Variants in TOX observed in about 807,000 individuals in gnomAD.
The protein encoded by TOX is thymocyte selection-associated high mobility group box protein TOX.
Under a neutral mutation model 53.7 loss-of-function variants are expected in TOX, and 11 were observed. The observed-to-expected ratio is 0.20, with a 90% CI of 0.13 to 0.34. TOX has a LOEUF of 0.34. Ranked by LOEUF, TOX falls within the 10% of genes least tolerant of loss-of-function variation. The pLI, the probability that TOX is intolerant of heterozygous loss-of-function variation, is 1.00. For synonymous variants in TOX, 225 were observed against 245.3 expected, an observed-to-expected ratio of 0.92 and a Z score of 0.77; for missense variants, 570 against 664.6, an observed-to-expected ratio of 0.86 and a Z score of 1.56.
At chr8:58,818,675 C>T (rs1801592982) in intron 6 of TOX, among the ~76,000 whole-genome samples, 1 of 152,180 alleles carries the variant, frequency 6.6e-6, no homozygotes, top group Admixed American at 6.5e-5. Context: ...GCCCTCTTGA[C>T]CAGACACACC....
intron 5 of TOX, among the ~76,000 whole-genome samples, chr8:58,832,135 A>G (rs903356981): frequency 6.8e-6 from 1 of 147,084 alleles, no homozygotes; most frequent in Admixed American, 6.9e-5. Context: ...TATGTAATAT[A>G]TATAATATAT....
intron 1 of TOX, among the ~76,000 whole-genome samples, chr8:58,976,373 C>T (rs896906243): frequency 1.7e-4 from 26 of 152,210 alleles, no homozygotes; most frequent in African/African-American, 6.0e-4. Flanking sequence ...CATAAGATTG[C>T]AGCAATTCAG....
chr8:58,977,775 A>C (rs569364891), intron 1 of TOX, among the ~76,000 whole-genome samples: 1 of 152,304 alleles, frequency 6.6e-6, no homozygotes, highest in African/African-American at 2.4e-5. Flanking sequence ...GTCAGAACAC[A>C]CACATTTATC....
intron 3 of TOX, among the ~76,000 whole-genome samples, chr8:58,900,223 T>G (rs981607068): frequency 6.6e-6 from 1 of 152,180 alleles, no homozygotes. Context: ...TAACTATTTT[T>G]TTCAACCACA....
chr8:58,888,965 T>A (rs1563380241), intron 3 of TOX, among the ~76,000 whole-genome samples: 1 of 151,882 alleles, frequency 6.6e-6, no homozygotes, highest in Non-Finnish European at 1.5e-5. Flanking sequence ...ATATAAAAAA[T>A]AATACCTAGA....
chr8:58,926,625 G>A (rs187810252), intron 3 of TOX, among the ~76,000 whole-genome samples: 187 of 152,326 alleles, frequency 1.2e-3, no homozygotes, highest in African/African-American at 4.3e-3. Flanking sequence ...TTCTTGGCAA[G>A]CTGCCTAGAA....
intron 2 of TOX, among the ~76,000 whole-genome samples, chr8:58,949,403 C>A (rs1464138015): frequency 1.3e-5 from 2 of 152,174 alleles, no homozygotes; most frequent in African/African-American, 2.4e-5. Context: ...CACACCATGA[C>A]AAATAACTTA....
Position 58,806,043 on chromosome 8 carries a change from T to C in TOX, c.*1704A>G, listed in dbSNP as rs905385378. The C allele has an allele frequency of 6.5e-6, 1 of 152,760 alleles. No homozygotes were observed. Among genetic ancestry groups the C allele is most frequent in the East Asian group, 1.9e-4 (1 of 5,192 alleles). 9.5% of individuals were successfully genotyped at this position (152,760 alleles called of 1,614,324 possible). On this transcript the variant is annotated 3_prime_UTR_variant, in exon 9 of 9. Transcript: ENST00000361421. ...TCCAACCAGACTAACTTTCTTGATA[T>C]GATCCCCTAAAAAGGAGTAAATCTG...
At chr8:58,998,529 ATATAT>A (rs1286181278) in intron 1 of TOX, among the ~76,000 whole-genome samples, 1 of 15,852 alleles carries the variant, frequency 6.3e-5, no homozygotes, top group Non-Finnish European at 1.4e-4. Flanking sequence ...ATATATATAT[ATATAT>A]ATATAAATTT....
chr8:59,041,989 C>T (rs12234964), intron 1 of TOX, among the ~76,000 whole-genome samples: 1 of 152,134 alleles, frequency 6.6e-6, no homozygotes, highest in Non-Finnish European at 1.5e-5. Flanking sequence ...TAAAATATTG[C>T]CAGATCAAAT....
intron 2 of TOX, among the ~76,000 whole-genome samples, chr8:58,950,748 G>A (rs902651174): frequency 1.3e-5 from 2 of 152,270 alleles, no homozygotes; most frequent in East Asian, 3.9e-4. Flanking sequence ...TTCTGGAGGG[G>A]AAAAGGAAGA....
intron 4 of TOX, among the ~76,000 whole-genome samples, chr8:58,842,193 G>C (rs1390097208): frequency 6.6e-6 from 1 of 152,164 alleles, no homozygotes; most frequent in Non-Finnish European, 1.5e-5. Flanking sequence ...AGAGGAGACT[G>C]GGGTGAGTCA....
intron 1 of TOX, among the ~76,000 whole-genome samples, chr8:59,110,124 T>C (rs1804986941): frequency 6.6e-6 from 1 of 152,162 alleles, no homozygotes; most frequent in African/African-American, 2.4e-5. Flanking sequence ...TAACTGAACA[T>C]AGCTCTGAGA....
intron 1 of TOX, among the ~76,000 whole-genome samples, chr8:58,974,940 C>A (rs10108787): frequency 0.17 from 26,490 of 151,772 alleles, 2,510 homozygotes; most frequent in Middle Eastern, 0.31. Flanking sequence ...TGAGTATCCC[C>A]TCAAGATGTT....
intron 1 of TOX, among the ~76,000 whole-genome samples, chr8:59,072,051 T>C (rs549953203): frequency 9.2e-5 from 14 of 152,344 alleles, no homozygotes; most frequent in African/African-American, 2.2e-4. Flanking sequence ...TCTGATTTTC[T>C]TATATTCTCC....
chr8:59,045,180 T>C (rs1803661326), intron 1 of TOX, among the ~76,000 whole-genome samples: 1 of 152,252 alleles, frequency 6.6e-6, no homozygotes, highest in South Asian at 2.1e-4. Flanking sequence ...TTTCCCATGA[T>C]TCTCCTTTCT....
intron 1 of TOX, among the ~76,000 whole-genome samples, chr8:59,040,328 C>CAAAAAAA (rs770561876): frequency 6.2e-5 from 5 of 81,280 alleles, no homozygotes; most frequent in Non-Finnish European, 9.3e-5. Flanking sequence ...GACTCCGTCT[C>CAAAAAAA]AAAAAAAAAA....
At chr8:59,003,156 T>C (rs766319740) in intron 1 of TOX, among the ~76,000 whole-genome samples, 4 of 152,214 alleles carry the variant, frequency 2.6e-5, no homozygotes, top group Non-Finnish European at 5.9e-5. Flanking sequence ...TTTTACACAT[T>C]GACCCTTTTT....
chr8:59,021,605 A>G (rs143638738), intron 1 of TOX, among the ~76,000 whole-genome samples: 2,466 of 150,684 alleles, frequency 0.016, 64 homozygotes, highest in African/African-American at 0.056. Flanking sequence ...GAAAGTCTCT[A>G]CAGGACCTAC....
Sources: allele counts gnomAD v4.1 joint callset (sites outside exome capture counted in the v4.1 genomes callset), GRCh38; gene constraint gnomAD v4.1.1; transcripts MANE v1.5; gene names NCBI Gene and HGNC (gene_info 2026-07-23, HGNC 2026-07-21).